SEPTIN14: variants seen among roughly 807,000 people sequenced by gnomAD.
The protein encoded by SEPTIN14 is septin 14.
In SEPTIN14, 40 loss-of-function variants were observed where a neutral mutation model predicts 53.6. That is an observed-to-expected ratio of 0.75 (90% CI 0.58 to 0.97). The LOEUF is 0.97. Among genes scored for constraint, SEPTIN14 ranks in the 50% least tolerant of loss-of-function variants. The pLI is 0.00. For synonymous variants in SEPTIN14, 138 were observed against 166.8 expected (o/e 0.83, Z 1.33); for missense variants, 471 against 508.2 (o/e 0.93, Z 0.70).
chr7:55,820,252 C>G (rs1788869300), intron 6 of SEPTIN14, among the ~76,000 whole-genome samples: 1 of 152,240 alleles, frequency 6.6e-6, no homozygotes, highest in African/African-American at 2.4e-5. Context: ...CTGTCCACCT[C>G]AGCCTCCCAA....
chr7:55,833,458 G>A (rs116722935), intron 6 of SEPTIN14, among the ~76,000 whole-genome samples: 2,188 of 152,084 alleles, frequency 0.014, 56 homozygotes, highest in African/African-American at 0.05. Context: ...GGCCAGGCAC[G>A]GTGGCTCACA....
chr7:55,840,208 G>T (rs1386597937), intron 5 of SEPTIN14, among the ~76,000 whole-genome samples: 1 of 149,462 alleles, frequency 6.7e-6, no homozygotes, highest in Non-Finnish European at 1.5e-5. Flanking sequence ...AAAATGTGAG[G>T]CCGGGCACAG....
chr7:55,837,754 G>A (rs1057202397), intron 5 of SEPTIN14, among the ~76,000 whole-genome samples: 3 of 152,020 alleles, frequency 2.0e-5, no homozygotes, highest in Non-Finnish European at 4.4e-5. Context: ...AGCTAATTTT[G>A]TATTTTTTAG....
chr7:55,839,345 T>G (rs1203051598), intron 5 of SEPTIN14, among the ~76,000 whole-genome samples: 1 of 146,902 alleles, frequency 6.8e-6, no homozygotes, highest in African/African-American at 2.5e-5. Context: ...GCCGAGATTG[T>G]GCCACTGCAC....
chr7:55,843,229 T>C, intron 4 of SEPTIN14, 101 bp from the exon 5 acceptor site: 1 of 610,814 alleles, frequency 1.6e-6, no homozygotes. Context: ...AGCAGTTTGC[T>C]ATAGTGATGA....
chr7:55,830,435 C>T, intron 6 of SEPTIN14, among the ~76,000 whole-genome samples: 1 of 147,604 alleles, frequency 6.8e-6, no homozygotes, highest in South Asian at 2.1e-4. Flanking sequence ...CAAGCTCCGC[C>T]TCTCGGGTTC....
Position 55,834,671 on chromosome 7 carries a change from C to T in SEPTIN14, c.559-85G>A, listed in dbSNP as rs984687726. 7 of 1,148,658 alleles carry T rather than the reference C, an allele frequency of 6.1e-6. No homozygotes were observed. The African/African-American group carries it at 6.3e-5, about 10-fold the overall frequency. The allele number at this position is 1,148,658 out of a possible 1,614,324, so 71.2% of individuals were successfully genotyped here. On this transcript the variant is annotated intron_variant, in intron 5 of 9. Coordinates refer to ENST00000388975, the MANE Select transcript of SEPTIN14 (RefSeq NM_207366.3). ...TTTGTTTTTTGTTTTGAGACGGAGT[C>T]TCGCTTTGTCGCCCAGGCTGGAGTG...
chr7:55,839,576 C>A (rs1789270460), intron 5 of SEPTIN14, among the ~76,000 whole-genome samples: 2 of 151,980 alleles, frequency 1.3e-5, no homozygotes, highest in Non-Finnish European at 2.9e-5. Flanking sequence ...ATAAATAAAT[C>A]TTTATGATAG....
intron 5 of SEPTIN14, among the ~76,000 whole-genome samples, chr7:55,834,831 A>G (rs1562714806): frequency 6.6e-6 from 1 of 151,966 alleles, no homozygotes; most frequent in East Asian, 1.9e-4. Flanking sequence ...GTTTTTAGTA[A>G]AGACGGGGTT....
chr7:55,806,738 C>G (rs1788616239), intron 8 of SEPTIN14, among the ~76,000 whole-genome samples: 5 of 152,176 alleles, frequency 3.3e-5, no homozygotes, highest in Admixed American at 3.3e-4. Context: ...GCTGGGATTA[C>G]AGGCATGAGC....
At position 55,857,522 on chromosome 7, in the gene SEPTIN14, A is replaced by AAGGGAAG. The variant is rs1562722311; in HGVS notation, c.54+4420_54+4421insCTTCCCT. Reference sequence around the variant, plus strand: ...GGGAAGGGAAGGGAAGGGAAGGGAAAGGAAAGGAAAGGAAAGGAAGAGAGG... The same window carrying AAGGGAAG: ...GGGAAGGGAAGGGAAGGGAAGGGAAAAGGGAAGGGAAAGGAAAGGAAAGGAAGAGAGG... On this transcript the variant is annotated intron_variant, in intron 2 of 9. Transcript: ENST00000388975. Among the ~76,000 whole-genome samples the AAGGGAAG allele has an allele frequency of 4.1e-3, 161 of 39,632 alleles. 1 individual carries two copies. The highest frequency in any genetic ancestry group is 0.021 in the African/African-American group (140 of 6,640). 26.0% of individuals were successfully genotyped at this position (39,632 alleles called of 152,430 possible).
chr7:55,862,158 G>A (rs530923557), intron 1 of SEPTIN14, 147 bp from the exon 2 acceptor site: 1 of 580,536 alleles, frequency 1.7e-6, no homozygotes, highest in East Asian at 3.1e-5. Context: ...TTTAAACTGT[G>A]GCTGTCTTGC....
intron 7 of SEPTIN14, among the ~76,000 whole-genome samples, chr7:55,813,018 C>T (rs989656554): frequency 3.7e-4 from 56 of 151,894 alleles, no homozygotes; most frequent in African/African-American, 1.3e-3. Context: ...GGCGCAATCT[C>T]GGCTTACTGC....
At chr7:55,822,550 A>T in intron 6 of SEPTIN14, among the ~76,000 whole-genome samples, 1 of 151,504 alleles carries the variant, frequency 6.6e-6, no homozygotes, top group Non-Finnish European at 1.5e-5. Flanking sequence ...AAAATAATAG[A>T]CAAACAGATC....
At chr7:55,811,956 G>A (rs958112549) in intron 7 of SEPTIN14, among the ~76,000 whole-genome samples, 1 of 151,968 alleles carries the variant, frequency 6.6e-6, no homozygotes, top group Non-Finnish European at 1.5e-5. Flanking sequence ...ACCACACATG[G>A]CTAAGTTTTT....
rs772503553 is a variant in SEPTIN14, at chr7:55,805,346, T to C, written c.1031A>G (p.Gln344Arg). The change falls in exon 9 of 10, where the codon CAA (glutamine) becomes CGA (arginine). Residue 344 changes from glutamine (Q) to arginine (R), a missense_variant. Physicochemically the swap from Gln to Arg is conservative, Grantham distance 43. Transcript: ENST00000388975. ...CAACTCTTCTTCTTCCCTCTGACATTGATCATAGAACTCTTGTCTTTTGGC... is the reference window on the plus strand; with the variant it reads ...CAACTCTTCTTCTTCCCTCTGACATCGATCATAGAACTCTTGTCTTTTGGC... The part of the protein sequence containing the change: ...FEAKRQEFYD[Q>R]CQREEEELKQ... The C allele has an allele frequency of 1.9e-6, 3 of 1,602,706 alleles. No homozygotes were observed. In the Admixed American group the frequency reaches 5.1e-5, roughly 27 times the overall value.
rs1419742892 is a variant in SEPTIN14 at position 55,794,690 on chromosome 7, A to T, written c.*1223T>A. 2 of 152,180 alleles carry T rather than the reference A, an allele frequency of 1.3e-5. No individual in the cohort carries two copies. The highest frequency in any genetic ancestry group is 2.9e-5 in the Non-Finnish European group (2 of 68,040). 9.4% of individuals were successfully genotyped at this position (152,180 alleles called of 1,614,324 possible). A position where few individuals can be genotyped will look rare whatever the true frequency, so the allele number is the denominator to read the frequency against. ...AGGTGTGGTGACTCAGCGCTCTGTC[A>T]CCCAGGCTGGAGTGCAGTGGCGCAA... On this transcript the variant is annotated 3_prime_UTR_variant, in exon 10 of 10. Transcript: ENST00000388975.
chr7:55,833,361 A>AACAC (rs1399731154), intron 6 of SEPTIN14, among the ~76,000 whole-genome samples: 1 of 151,544 alleles, frequency 6.6e-6, no homozygotes, highest in Admixed American at 6.6e-5. Flanking sequence ...CACACACACA[A>AACAC]ACACACACAC....
At chr7:55,824,990 A>G (rs529629241) in intron 6 of SEPTIN14, among the ~76,000 whole-genome samples, 3 of 152,156 alleles carry the variant, frequency 2.0e-5, no homozygotes, top group Non-Finnish European at 4.4e-5. Flanking sequence ...AAGTGCACTC[A>G]TCAGTATTTA....
Sources: gnomAD v4.1 joint callset for allele counts (sites outside exome capture counted in the v4.1 genomes callset) on GRCh38, gnomAD v4.1.1 for gene constraint, MANE v1.5 for transcripts, NCBI Gene and HGNC (gene_info 2026-07-23, HGNC 2026-07-21) for gene names.